The following JAKMIP2 variants were observed in gnomAD, a reference collection of about 807,000 sequenced individuals.
The protein encoded by JAKMIP2 is janus kinase and microtubule-interacting protein 2.
JAKMIP2 carries 25 observed loss-of-function variants against 115.0 expected under a neutral mutation model. The observed-to-expected ratio is 0.22, with a 90% confidence interval of 0.16 to 0.30. The LOEUF (loss-of-function observed/expected upper bound fraction) is 0.30, where lower values mean the gene tolerates loss of function less well. Among genes scored for constraint, JAKMIP2 ranks in the 10% least tolerant of loss-of-function variants. The probability of loss-of-function intolerance (pLI) is 1.00; values close to 1 mark genes in which losing one functional copy is unlikely to be tolerated. For synonymous variants in JAKMIP2, 334 were observed against 343.6 expected (o/e 0.97, Z 0.31); for missense variants, 642 against 957.6 (o/e 0.67, Z 4.35).
intron 1 of JAKMIP2, among the ~76,000 whole-genome samples, chr5:147,730,111 T>C (rs1753671590): frequency 6.6e-6 from 1 of 152,232 alleles, no homozygotes; most frequent in South Asian, 2.1e-4. Flanking sequence ...ATAAATGGTC[T>C]CTGCAGAGTC....
At position 147,718,520 on chromosome 5, in the gene JAKMIP2, T is replaced by C. The variant is rs1270267417; in HGVS notation, c.-148-46566A>G. 7.9e-5 allele frequency among the ~76,000 whole-genome samples: 12 copies of C among 152,130 alleles called. No homozygotes were observed. The East Asian group carries it at 2.3e-3, about 30-fold the overall frequency. On this transcript the variant is annotated intron_variant, in intron 1 of 21. Transcript: ENST00000616793. ...TAAGCTATTGATTATTGCCACAATT[T>C]CAGATCCTGTTATTGGTCTATTCAG...
chr5:147,603,894 A>G (rs1390273715), intron 20 of JAKMIP2, among the ~76,000 whole-genome samples: 1 of 152,148 alleles, frequency 6.6e-6, no homozygotes, highest in African/African-American at 2.4e-5. Flanking sequence ...TAGGGTGATG[A>G]CGTTGATAGA....
intron 21 of JAKMIP2, among the ~76,000 whole-genome samples, chr5:147,596,003 G>C (rs1183055651): frequency 6.6e-6 from 1 of 152,168 alleles, no homozygotes; most frequent in Non-Finnish European, 1.5e-5. Context: ...CCGAAGGATA[G>C]GTGAGTAGTA....
intron 1 of JAKMIP2, among the ~76,000 whole-genome samples, chr5:147,693,571 C>A (rs1420667932): frequency 6.6e-6 from 1 of 151,788 alleles, no homozygotes; most frequent in Non-Finnish European, 1.5e-5. Flanking sequence ...ATCACAAACA[C>A]ATTTTTTAAT....
At chr5:147,700,368 G>C (rs1752275973) in intron 1 of JAKMIP2, among the ~76,000 whole-genome samples, 1 of 152,050 alleles carries the variant, frequency 6.6e-6, no homozygotes, top group South Asian at 2.1e-4. Context: ...TACAGATAAA[G>C]AGACATTTAG....
intron 20 of JAKMIP2, among the ~76,000 whole-genome samples, chr5:147,605,203 A>ATTTTTTTTTTTT (rs71001447): frequency 2.0e-5 from 2 of 100,524 alleles, no homozygotes; most frequent in African/African-American, 7.6e-5. Context: ...TATGTGCCAC[A>ATTTTTTTTTTTT]TTTTTTTTTT....
intron 1 of JAKMIP2, among the ~76,000 whole-genome samples, chr5:147,743,576 A>G (rs1754230351): frequency 6.6e-6 from 1 of 152,212 alleles, no homozygotes; most frequent in African/African-American, 2.4e-5. Context: ...TTATTCAGAA[A>G]ATAATTCACA....
chr5:147,643,405 C>T (rs1461242274), intron 7 of JAKMIP2, among the ~76,000 whole-genome samples: 5 of 152,008 alleles, frequency 3.3e-5, no homozygotes, highest in Non-Finnish European at 7.4e-5. Flanking sequence ...TGAGAGCAAC[C>T]AACGATGTCA....
intron 1 of JAKMIP2, among the ~76,000 whole-genome samples, chr5:147,700,445 T>C (rs1752279361): frequency 6.6e-6 from 1 of 152,138 alleles, no homozygotes; most frequent in Non-Finnish European, 1.5e-5. Flanking sequence ...ATTTAAAATA[T>C]ATATACACGG....
At chr5:147,640,032 A>G (rs1025078644) in intron 9 of JAKMIP2, among the ~76,000 whole-genome samples, 2 of 152,208 alleles carry the variant, frequency 1.3e-5, no homozygotes, top group Non-Finnish European at 2.9e-5. Context: ...TGAGCTTAGA[A>G]TGTAGTCAAT....
At chr5:147,621,653 A>AAAAAT (rs1756853153) in intron 17 of JAKMIP2, among the ~76,000 whole-genome samples, 1 of 152,250 alleles carries the variant, frequency 6.6e-6, no homozygotes, top group South Asian at 2.1e-4. Flanking sequence ...GGCCAAATAT[A>AAAAAT]AAAATAAAAT....
At position 147,617,771 on chromosome 5, in the gene JAKMIP2, A is replaced by G. The variant is rs1756659480; in HGVS notation, c.2346+140T>C. The stretch of plus-strand genomic sequence containing the variant: ...TTTTGTATGTGCATGAAGGTAGAAA[A>G]CAATGGTTATTTATTTTACTCTCTG... On this transcript the variant is annotated intron_variant, in intron 19 of 21. Transcript: ENST00000616793. 15 of 655,374 alleles carry G rather than the reference A, an allele frequency of 2.3e-5. No individual in the cohort carries two copies. The South Asian group carries it at 2.9e-4, about 13-fold the overall frequency. The allele number at this position is 655,374 out of a possible 1,614,324, so 40.6% of individuals were successfully genotyped here.
intron 1 of JAKMIP2, among the ~76,000 whole-genome samples, chr5:147,772,843 C>T (rs1483583614): frequency 6.6e-6 from 1 of 151,830 alleles, no homozygotes; most frequent in East Asian, 1.9e-4. Flanking sequence ...TCTTTATTGG[C>T]AAAATGGGAA....
At chr5:147,696,514 C>A (rs146854086) in intron 1 of JAKMIP2, among the ~76,000 whole-genome samples, 22 of 152,270 alleles carry the variant, frequency 1.4e-4, no homozygotes, top group African/African-American at 5.1e-4. Flanking sequence ...AAATCTCTTT[C>A]CTTTATAAAT....
chr5:147,619,628 G>T (rs1003455134), intron 18 of JAKMIP2, among the ~76,000 whole-genome samples: 8 of 152,208 alleles, frequency 5.3e-5, no homozygotes, highest in Non-Finnish European at 1.0e-4. Flanking sequence ...AAGGAGAGAA[G>T]AAATGTGAGC....
intron 21 of JAKMIP2, among the ~76,000 whole-genome samples, chr5:147,593,153 C>T (rs550509160): frequency 6.6e-6 from 1 of 152,198 alleles, no homozygotes; most frequent in Non-Finnish European, 1.5e-5. Flanking sequence ...ACAGGCGCTA[C>T]AGCGTAGTTG....
intron 1 of JAKMIP2, among the ~76,000 whole-genome samples, chr5:147,727,075 T>C (rs1239368503): frequency 6.6e-6 from 1 of 152,224 alleles, no homozygotes; most frequent in Admixed American, 6.5e-5. Flanking sequence ...AATATCTGTG[T>C]GACCTTTACC....
intron 1 of JAKMIP2, among the ~76,000 whole-genome samples, chr5:147,743,591 G>A (rs1754230656): frequency 6.6e-6 from 1 of 152,124 alleles, no homozygotes; most frequent in South Asian, 2.1e-4. Flanking sequence ...TTCACAGATA[G>A]GCTGCTTGAT....
intron 7 of JAKMIP2, among the ~76,000 whole-genome samples, chr5:147,643,708 G>C (rs990508109): frequency 6.6e-6 from 1 of 152,138 alleles, no homozygotes; most frequent in Non-Finnish European, 1.5e-5. Context: ...TGTTAGCATA[G>C]ACAACATATT....
Sources: gnomAD v4.1 joint callset for allele counts (sites outside exome capture counted in the v4.1 genomes callset) on GRCh38, gnomAD v4.1.1 for gene constraint, MANE v1.5 for transcripts, NCBI Gene and HGNC (gene_info 2026-07-23, HGNC 2026-07-21) for gene names.